Variants in RNF19A observed in about 807,000 individuals in gnomAD.
RNF19A encodes the protein E3 ubiquitin-protein ligase RNF19A.
RNF19A carries 32 observed loss-of-function variants against 75.7 expected under a neutral mutation model. The observed-to-expected ratio is 0.42, with a 90% CI of 0.32 to 0.57. The LOEUF (loss-of-function observed/expected upper bound fraction) is 0.57, where lower values mean the gene tolerates loss of function less well. Among genes scored for constraint, RNF19A ranks in the 20% least tolerant of loss-of-function variants. RNF19A has a pLI of 0.10. For missense variants in RNF19A, 782 were observed against 1,036.3 expected, an observed-to-expected ratio of 0.75 and a Z score of 3.37; for synonymous variants, 335 against 345.2, an observed-to-expected ratio of 0.97 and a Z score of 0.33.
chr8:100,281,563 G>GA, intron 2 of RNF19A, among the ~76,000 whole-genome samples: 1 of 151,862 alleles, frequency 6.6e-6, no homozygotes, highest in Middle Eastern at 3.4e-3. Context: ...CAAGTAAGAA[G>GA]AAAAAAACAT....
Position 100,288,205 on chromosome 8 carries a change from A to G in RNF19A, c.-31T>C, listed in dbSNP as rs929727138. 6.5e-7 allele frequency: 1 copy of G among 1,539,750 alleles called. No individual in the cohort carries two copies. Among genetic ancestry groups the G allele is most frequent in the East Asian group, 2.3e-5 (1 of 44,076 alleles). ...TTAAGTCATGATGTAAGAATATCCTACTTGGTTCCTTCAGAGAATTCTTGA... is the reference window on the plus strand; with the variant it reads ...TTAAGTCATGATGTAAGAATATCCTGCTTGGTTCCTTCAGAGAATTCTTGA... On this transcript the variant is annotated 5_prime_UTR_variant, in exon 2 of 10. Transcript: ENST00000341084.
intron 5 of RNF19A, among the ~76,000 whole-genome samples, chr8:100,265,613 C>T (rs1452838997): frequency 6.6e-6 from 1 of 152,104 alleles, no homozygotes; most frequent in Non-Finnish European, 1.5e-5. Context: ...AGTATGGGGA[C>T]TCTCTAAAAT....
chr8:100,298,779 A>T (rs749052793), intron 1 of RNF19A, among the ~76,000 whole-genome samples: 7 of 152,236 alleles, frequency 4.6e-5, no homozygotes, highest in Admixed American at 1.3e-4. Context: ...TACAAAAAGT[A>T]AGCTGCTGCA....
chr8:100,276,964 C>A (rs1820551911), intron 2 of RNF19A, among the ~76,000 whole-genome samples: 1 of 134,808 alleles, frequency 7.4e-6, no homozygotes, highest in African/African-American at 2.8e-5. Flanking sequence ...TGCAAAATGG[C>A]ACCACCGAGA....
At chr8:100,307,543 G>A (rs1313218971) in intron 1 of RNF19A, among the ~76,000 whole-genome samples, 20 of 148,538 alleles carry the variant, frequency 1.3e-4, no homozygotes, top group Admixed American at 6.6e-4. Context: ...ACAAACTGCC[G>A]CAACAAAAAA....
chr8:100,315,039 C>G (rs1450862783), intron 1 of RNF19A, among the ~76,000 whole-genome samples: 1 of 152,174 alleles, frequency 6.6e-6, no homozygotes, highest in African/African-American at 2.4e-5. Flanking sequence ...GGCCAGTGTG[C>G]TGGCACATGC....
At chr8:100,310,985 A>G (rs764604471), upstream of RNF19A, among the ~76,000 whole-genome samples, 4 of 152,202 alleles carry the variant, frequency 2.6e-5, no homozygotes, top group Non-Finnish European at 4.4e-5. Context: ...TCTCTTCAAG[A>G]TTTAGATCAC....
intron 5 of RNF19A, chr8:100,268,527 C>A (rs1332596427): frequency 3.6e-6 from 1 of 279,870 alleles, no homozygotes; most frequent in Non-Finnish European, 6.6e-6. Flanking sequence ...ATTTTATACT[C>A]AAAGTTTTAT....
At chr8:100,327,739 C>CT in intron 1 of RNF19A, among the ~76,000 whole-genome samples, 1 of 152,234 alleles carries the variant, frequency 6.6e-6, no homozygotes, top group South Asian at 2.1e-4. Context: ...TCCGGTTCCT[C>CT]TTTTGAAAAT....
intron 1 of RNF19A, among the ~76,000 whole-genome samples, chr8:100,304,661 T>C (rs1261543105): frequency 6.6e-6 from 1 of 152,202 alleles, no homozygotes; most frequent in African/African-American, 2.4e-5. Context: ...AGGTTTAAAA[T>C]CTGGTGCTCA....
rs1821100566 is a variant in RNF19A at position 100,287,896 on chromosome 8, A to G, written c.279T>C (p.Ser93=). Residue 93 remains serine (S), a synonymous_variant, in exon 2 of 10, where the codon AGT becomes AGC. Transcript: ENST00000341084. This position sits in a 1 kb window ranked among gnomAD's most constrained non-coding sequence, Gnocchi z 4.1. The stretch of plus-strand genomic sequence containing the variant: ...ACATTTCAGAATGTATACTTTCAAT[A>G]CTTGCAATTCCATCCACCCCGCCAT... ...ELNGGVDGIA[S]IESIHSEMCT... The G allele has an allele frequency of 6.2e-7, 1 of 1,614,072 alleles. No individual in the cohort carries two copies. Among genetic ancestry groups the G allele is most frequent in the Admixed American group, 1.7e-5 (1 of 60,004 alleles).
chr8:100,259,765 G>T lies in RNF19A; in HGVS notation c.1826+89C>A. On this transcript the variant is annotated intron_variant, in intron 9 of 9. Transcript: ENST00000341084. This position sits in a 1 kb window ranked among gnomAD's most constrained non-coding sequence, Gnocchi z 4.5. The stretch of plus-strand genomic sequence containing the variant: ...TTCTCAGAGAACTTAATAGTTGGTA[G>T]CCACTTTTCACTGGTAATTTGTCTA... 1 of 1,167,702 alleles carries T rather than the reference G, an allele frequency of 8.6e-7. No individual in the cohort carries two copies. The highest frequency in any genetic ancestry group is 1.2e-6 in the Non-Finnish European group (1 of 826,550). 72.3% of individuals were successfully genotyped at this position (1,167,702 alleles called of 1,614,324 possible).
chr8:100,305,164 C>G (rs1586682468), intron 1 of RNF19A, among the ~76,000 whole-genome samples: 1 of 152,178 alleles, frequency 6.6e-6, no homozygotes, highest in East Asian at 1.9e-4. Flanking sequence ...CTTGCCCGAC[C>G]TCAAATGATC....
chr8:100,292,435 G>GGGGTGTGTGTGTGTGTGT (rs137938989), intron 1 of RNF19A, among the ~76,000 whole-genome samples: 5 of 145,332 alleles, frequency 3.4e-5, no homozygotes, highest in African/African-American at 1.3e-4. Context: ...CTATCATATG[G>GGGGTGTGTGTGTGTGTGT]GTGTGTGTGT....
intron 1 of RNF19A, among the ~76,000 whole-genome samples, chr8:100,295,669 GCTGA>G (rs1181215193): frequency 2.0e-5 from 3 of 152,098 alleles, no homozygotes; most frequent in African/African-American, 4.8e-5. Context: ...TAATGTAGTA[GCTGA>G]CTACCAAAAA....
At position 100,269,772 on chromosome 8, in the gene RNF19A, C is replaced by G. The variant is rs1185255314; in HGVS notation, c.1028+97G>C. 7 of 831,384 alleles carry G rather than the reference C, an allele frequency of 8.4e-6. No homozygotes were observed. Among genetic ancestry groups the G allele is most frequent in the Non-Finnish European group, 1.2e-5 (7 of 581,372 alleles). 51.5% of individuals were successfully genotyped at this position (831,384 alleles called of 1,614,324 possible). On this transcript the variant is annotated intron_variant, in intron 4 of 9. Transcript: ENST00000341084. This position sits in a 1 kb window ranked among gnomAD's most constrained non-coding sequence, Gnocchi z 5.7. ...TATTTAACTAGAATAAAACCAATCC[C>G]TTTAAGTATCTTATAAAACCCAAAT...
At position 100,259,955 on chromosome 8, in the gene RNF19A, T is replaced by TA; in HGVS notation, c.1724dup (p.Ser576LysfsTer13). Reference sequence around the variant, plus strand: ...AGCTGACTGTGCCAGATTCTCCACTTAGACTGTACCGTTCTTTCTGTACAT... The same window carrying TA: ...AGCTGACTGTGCCAGATTCTCCACTTAAGACTGTACCGTTCTTTCTGTACAT... On this transcript the variant is annotated frameshift_variant, in exon 9 of 10. Coordinates refer to ENST00000341084, the MANE Select transcript of RNF19A (RefSeq NM_183419.4). LOFTEE classifies it high-confidence loss of function. This position sits in a 1 kb window ranked among gnomAD's most constrained non-coding sequence, Gnocchi z 4.5. 1.2e-6 allele frequency: 2 copies of TA among 1,614,032 alleles called. No individual in the cohort carries two copies. The highest frequency in any genetic ancestry group is 1.7e-6 in the Non-Finnish European group (2 of 1,179,938).
In RNF19A at chr8:100,259,931, G is replaced by A; in HGVS notation, c.1749C>T (p.Ser583=). Residue 583 remains serine (S), a synonymous_variant, in exon 9 of 10, where the codon AGC becomes AGT. Transcript: ENST00000341084. This position sits in a 1 kb window ranked among gnomAD's most constrained non-coding sequence, Gnocchi z 4.5. ...YSLSGESGTV[S]LGTVSDNAST... is the part of the protein sequence containing the mutation. ...TGGCATTATCACTAACTGTTCCCAAGCTGACTGTGCCAGATTCTCCACTTA... is the reference window on the plus strand; with the variant it reads ...TGGCATTATCACTAACTGTTCCCAAACTGACTGTGCCAGATTCTCCACTTA... 1 of 1,613,856 alleles carries A rather than the reference G, an allele frequency of 6.2e-7. No homozygotes were observed. The highest frequency in any genetic ancestry group is 8.5e-7 in the Non-Finnish European group (1 of 1,179,826).
rs559041396 is a variant in RNF19A at position 100,300,262 on chromosome 8, T to G, written c.-94+9605A>C. ...TATAAGGAAAGAAAAGGGAGTATTT[T>G]CTAAAGACAGAAAAATCTAGGTAAT... On this transcript the variant is annotated intron_variant, in intron 1 of 9. Coordinates refer to ENST00000341084, the MANE Select transcript of RNF19A (RefSeq NM_183419.4). 3.2e-4 allele frequency among the ~76,000 whole-genome samples: 49 copies of G among 152,208 alleles called. 1 individual carries two copies. Among genetic ancestry groups the G allele is most frequent in the Non-Finnish European group, 1.2e-4 (8 of 68,032 alleles).
Sources: allele counts gnomAD v4.1 joint callset (sites outside exome capture counted in the v4.1 genomes callset), GRCh38; gene constraint gnomAD v4.1.1; non-coding constraint Gnocchi (gnomAD v3.1); transcripts MANE v1.5; gene names NCBI Gene and HGNC (gene_info 2026-07-23, HGNC 2026-07-21).